PZP: variants seen among roughly 807,000 people sequenced by gnomAD.
The protein encoded by PZP is PZP alpha-2-macroglobulin like, also known as pregnancy zone protein.
Under a neutral mutation model 179.8 loss-of-function variants are expected in PZP, and 150 were observed. The observed-to-expected ratio is 0.83, with a 90% CI of 0.73 to 0.96. PZP has a LOEUF of 0.96. Among genes scored for constraint, PZP ranks in the 40% least tolerant of loss-of-function variants. The probability of loss-of-function intolerance (pLI) is 0.00; values close to 1 mark genes in which losing one functional copy is unlikely to be tolerated. For missense variants in PZP, 1,689 were observed against 1,764.0 expected (o/e 0.96, Z 0.76); for synonymous variants, 624 against 652.3 (o/e 0.96, Z 0.66).
At chr12:9,145,883 A>G (rs762866564), downstream of PZP, among the ~76,000 whole-genome samples, 24 of 152,164 alleles carry the variant, frequency 1.6e-4, no homozygotes, top group Non-Finnish European at 2.4e-4. Flanking sequence ...CTGGACTGCA[A>G]ATTTCTGCTG....
Position 9,201,036 on chromosome 12 carries a change from G to C in PZP, c.526C>G (p.Gln176Glu). The C allele has an allele frequency of 1.2e-6, 2 of 1,614,028 alleles. No homozygotes were observed. The highest frequency in any genetic ancestry group is 1.7e-6 in the Non-Finnish European group (2 of 1,179,964). ...GCTTCTAGCTTGAGACTCTGCCATT[G>C]TGCAATTCGATTTCTTCTTGGGTTC... ...LENPRRNRIAQWQSLKLEAGI... is the reference protein window; with the variant it reads ...LENPRRNRIAEWQSLKLEAGI... The change falls in exon 6 of 36, where the codon CAA becomes GAA. Residue 176 changes from glutamine to glutamate, a missense_variant. Physicochemically the swap from Gln to Glu is conservative, Grantham distance 29. Transcript: ENST00000261336.
chr12:9,184,446 T>C (rs1281853312), intron 13 of PZP, among the ~76,000 whole-genome samples: 1 of 152,236 alleles, frequency 6.6e-6, no homozygotes, highest in East Asian at 1.9e-4. Flanking sequence ...GCATGCACAG[T>C]TGCTAGTGGG....
rs1944122874 is a variant in PZP, at chr12:9,200,994, A to G, written c.568T>C (p.Ser190Pro). The G allele has an allele frequency of 1.2e-6, 2 of 1,614,032 alleles. No homozygotes were observed. Among genetic ancestry groups the G allele is most frequent in the African/African-American group, 1.3e-5 (1 of 74,920 alleles). The change falls in exon 6 of 36, where the codon TCC (serine) becomes CCC (proline). Residue 190 changes from serine (S) to proline (P), a missense_variant. Transcript: ENST00000261336. The part of the protein sequence containing the change: ...LKLEAGINQL[S>P]FPLSSEPIQG... ...ATGGGCTCTGATGAGAGGGGAAAGG[A>G]CAACTGATTGATGCCAGCTTCTAGC...
At position 9,158,455 on chromosome 12, in the gene PZP, T is replaced by A. The variant is rs1369606951; in HGVS notation, c.3259A>T (p.Arg1087Trp). The A allele has an allele frequency of 4.3e-6, 7 of 1,614,152 alleles. No individual in the cohort carries two copies. The highest frequency in any genetic ancestry group is 1.6e-4 in the Middle Eastern group (1 of 6,062). ...SQMQKDNGCF[R>W]SSGSLLNNAI... ...TTGTTGAGCAGTGACCCAGAGCTCC[T>A]GAAACAGCCATTGTCCTTCTGCATC... Residue 1087 changes from arginine to tryptophan, a missense_variant, in exon 26 of 36, where the codon AGG becomes TGG. Around this residue, in one of 3 missense-constraint regions of PZP, gnomAD observed 746 missense variants for 749.2 expected, o/e 1.00. Coordinates refer to ENST00000261336, the MANE Select transcript of PZP (RefSeq NM_002864.3).
rs1464342701 is a variant in PZP, at chr12:9,170,523, G to A, written c.1840-932C>T. On this transcript the variant is annotated intron_variant, in intron 15 of 35. Coordinates refer to ENST00000261336, the MANE Select transcript of PZP (RefSeq NM_002864.3). The surrounding 1 kb of genome is among the most constrained non-coding windows in gnomAD (Gnocchi z 4.6). The stretch of plus-strand genomic sequence containing the variant: ...GACCCCACTTCCACAGCACCTCACA[G>A]GTTAAGACTCACTGTCTTGGAATCT... Among the ~76,000 whole-genome samples the A allele has an allele frequency of 2.0e-5, 3 of 152,190 alleles. No homozygotes were observed. Among genetic ancestry groups the A allele is most frequent in the Non-Finnish European group, 2.9e-5 (2 of 68,032 alleles).
chr12:9,192,599 G>A lies in PZP; in HGVS notation c.1395C>T (p.Pro465=), dbSNP rs1446081974. The part of the protein sequence containing the change: ...IHLEPVAGTL[P]CGHTETITAH... The stretch of plus-strand genomic sequence containing the variant: ...CCGTGATAGTCTCCGTGTGGCCACA[G>A]GGCAGGGTACCAGCCACAGGCTCCA... The change falls in exon 12 of 36, where the codon CCC becomes CCT. Residue 465 remains proline (P), a synonymous_variant. Coordinates refer to ENST00000261336, the MANE Select transcript of PZP (RefSeq NM_002864.3). 7 of 1,614,170 alleles carry A rather than the reference G, an allele frequency of 4.3e-6. No individual in the cohort carries two copies. Among genetic ancestry groups the A allele is most frequent in the Non-Finnish European group, 5.9e-6 (7 of 1,180,022 alleles).
intron 16 of PZP, among the ~76,000 whole-genome samples, chr12:9,169,180 AT>A (rs78084993): frequency 0.59 from 88,286 of 149,792 alleles, 26,831 homozygotes; most frequent in East Asian, 0.83. Flanking sequence ...TGGTTTGCAA[AT>A]AAAAAAACCT....
the PZP span, among the ~76,000 whole-genome samples, chr12:9,138,417 T>A: frequency 2.3e-4 from 35 of 152,110 alleles, no homozygotes; most frequent in African/African-American, 7.0e-4. Context: ...CTAATATTTT[T>A]AAAATATTTT....
At chr12:9,164,618 A>G (rs1301695308) in intron 19 of PZP, among the ~76,000 whole-genome samples, 1 of 152,194 alleles carries the variant, frequency 6.6e-6, no homozygotes, top group Non-Finnish European at 1.5e-5. Flanking sequence ...TACAACATAT[A>G]TTACATGTCT....
chr12:9,188,048 T>C (rs984152356), intron 13 of PZP, among the ~76,000 whole-genome samples: 2 of 152,262 alleles, frequency 1.3e-5, no homozygotes, highest in Non-Finnish European at 2.9e-5. Flanking sequence ...ACGTCCTTGA[T>C]GAACATTGAT....
In PZP at chr12:9,169,523, T is replaced by C; in HGVS notation, c.1908A>G (p.Glu636=). 1 of 1,613,076 alleles carries C rather than the reference T, an allele frequency of 6.2e-7. No homozygotes were observed. Among genetic ancestry groups the C allele is most frequent in the Admixed American group, 1.7e-5 (1 of 59,924 alleles). Reference sequence around the variant, plus strand: ...AGAAAGGACGGGGACAGTGTCCTTGTTCTTCCTCCTGCTGGTCCACATTGT... The same window carrying C: ...AGAAAGGACGGGGACAGTGTCCTTGCTCTTCCTCCTGCTGGTCCACATTGT... The part of the protein sequence containing the change: ...FPDNVDQQEE[E]QGHCPRPFFI... Residue 636 remains glutamate (E), a synonymous_variant, in exon 16 of 36, where the codon GAA becomes GAG. Transcript: ENST00000261336.
chr12:9,152,138 G>T, intron 32 of PZP, 82 bp downstream of exon 32: 1 of 1,029,648 alleles, frequency 9.7e-7, no homozygotes, highest in Non-Finnish European at 1.5e-6. Context: ...ATGTTGACAT[G>T]GTTTTGATAT....
chr12:9,201,344 G>A lies in PZP; in HGVS notation c.484C>T (p.Pro162Ser). Residue 162 changes from proline to serine, a missense_variant, in exon 5 of 36, where the codon CCA becomes TCA. Pro to Ser is a moderately conservative substitution (Grantham distance 74). Transcript: ENST00000261336. ...ENFRPRNELI[P>S]LIYLENPRRN... is the part of the protein sequence containing the mutation. ...ATACTTACCTCAAGGTATATCAGTGGAATCTATATGATAAAAGGAAAGAAG... is the reference window on the plus strand; with the variant it reads ...ATACTTACCTCAAGGTATATCAGTGAAATCTATATGATAAAAGGAAAGAAG... 1 of 1,555,882 alleles carries A rather than the reference G, an allele frequency of 6.4e-7. No homozygotes were observed. The highest frequency in any genetic ancestry group is 8.8e-7 in the Non-Finnish European group (1 of 1,132,288).
intron 13 of PZP, among the ~76,000 whole-genome samples, chr12:9,189,654 C>T (rs1015053761): frequency 2.0e-5 from 3 of 151,900 alleles, no homozygotes; most frequent in Admixed American, 2.0e-4. Context: ...ATCTAATTAA[C>T]CTAAAGAGCT....
rs1941492545 is a variant in PZP, at chr12:9,165,146, C to A, written c.2480G>T (p.Cys827Phe). The A allele has an allele frequency of 6.2e-7, 1 of 1,613,592 alleles. No homozygotes were observed. Among genetic ancestry groups the A allele is most frequent in the African/African-American group, 1.3e-5 (1 of 74,894 alleles). The part of the protein sequence containing the change: ...KATVLNYLPK[C>F]IRVSVQLKAS... Reference sequence around the variant, plus strand: ...CACCCTCATTTTCCTTACCCGGATGCATTTGGGAAGGTAGTTTAGGACCGT... The same window carrying A: ...CACCCTCATTTTCCTTACCCGGATGAATTTGGGAAGGTAGTTTAGGACCGT... Residue 827 changes from cysteine (C) to phenylalanine (F), a missense_variant, in exon 19 of 36, where the codon TGC becomes TTC. This residue lies in a region of PZP where 201 missense variants were observed against 284.2 expected (regional missense o/e 0.71). Transcript: ENST00000261336.
intron 5 of PZP, 111 bp downstream of exon 5, chr12:9,201,216 G>C (rs1704723283): frequency 7.5e-7 from 1 of 1,329,364 alleles, no homozygotes; most frequent in African/African-American, 1.5e-5. Context: ...GGAGTAGGAG[G>C]AATTCAGATC....
the PZP span, among the ~76,000 whole-genome samples, chr12:9,143,117 A>G: frequency 1.3e-5 from 2 of 152,342 alleles, no homozygotes; most frequent in East Asian, 3.9e-4. Flanking sequence ...GTGAGGGTTG[A>G]GGTTAGAATT....
At chr12:9,186,746 C>G (rs1037157552) in intron 13 of PZP, among the ~76,000 whole-genome samples, 2 of 149,094 alleles carry the variant, frequency 1.3e-5, no homozygotes, top group Non-Finnish European at 2.9e-5. Context: ...CAAACTAACA[C>G]AAGAACAGAA....
At position 9,148,958 on chromosome 12, in the gene PZP, A is replaced by C; in HGVS notation, c.*14T>G. 6.2e-7 allele frequency: 1 copy of C among 1,604,674 alleles called. No individual in the cohort carries two copies. The highest frequency in any genetic ancestry group is 8.5e-7 in the Non-Finnish European group (1 of 1,171,492). On this transcript the variant is annotated 3_prime_UTR_variant, in exon 36 of 36. Coordinates refer to ENST00000261336, the MANE Select transcript of PZP (RefSeq NM_002864.3). The stretch of plus-strand genomic sequence containing the variant: ...GGACAGAGAATCCACCAAAATATAC[A>C]GCCTGTATGGTCCTCAAACATTTCC...
Sources: allele counts gnomAD v4.1 joint callset (sites outside exome capture counted in the v4.1 genomes callset), GRCh38; gene constraint gnomAD v4.1.1; regional missense constraint gnomAD v4.1.1; non-coding constraint Gnocchi (gnomAD v3.1); transcripts MANE v1.5; gene names NCBI Gene and HGNC (gene_info 2026-07-23, HGNC 2026-07-21).